GPR89B: variants seen among roughly 807,000 people sequenced by gnomAD.
The protein encoded by GPR89B is golgi pH regulator B, also known as G protein-coupled receptor 89B.
Under a neutral mutation model 52.4 loss-of-function variants are expected in GPR89B, and 25 were observed. The observed-to-expected ratio is 0.48, with a 90% CI of 0.35 to 0.67. GPR89B has a LOEUF of 0.67. Ranked by LOEUF, GPR89B falls within the 30% of genes least tolerant of loss-of-function variation. The pLI, the probability that GPR89B is intolerant of heterozygous loss-of-function variation, is 0.01. For missense variants in GPR89B, 146 were observed against 450.2 expected (o/e 0.32, Z 6.11); for synonymous variants, 52 against 151.2 (o/e 0.34, Z 4.81).
chr1:147,928,530 C>T lies in GPR89B; in HGVS notation c.-7C>T, dbSNP rs782622975. On this transcript the variant is annotated 5_prime_UTR_variant, in exon 1 of 14. Coordinates refer to ENST00000314163, the MANE Select transcript of GPR89B (RefSeq NM_016334.5). ...AGTGGAGGCAGGAGCCTTCCTTACA[C>T]TTCGCCATGAGTTTCCTGATCGACT... The T allele has an allele frequency of 1.2e-6, 2 of 1,613,926 alleles. No homozygotes were observed. The highest frequency in any genetic ancestry group is 4.5e-5 in the East Asian group (2 of 44,864).
intron 7 of GPR89B, among the ~76,000 whole-genome samples, chr1:147,959,125 G>A (rs1239239744): frequency 6.6e-6 from 1 of 152,136 alleles, no homozygotes; most frequent in Non-Finnish European, 1.5e-5. Flanking sequence ...ATAGTGAGAT[G>A]ACATACAAGA....
the GPR89B span, among the ~76,000 whole-genome samples, chr1:148,004,312 G>T: frequency 6.6e-6 from 1 of 151,050 alleles, no homozygotes; most frequent in Admixed American, 6.6e-5. Context: ...GCCCGCCACC[G>T]CACCTGGCTA....
In GPR89B at chr1:147,931,063, C is replaced by T. The variant is rs74123778; in HGVS notation, c.42+2485C>T. On this transcript the variant is annotated intron_variant, in intron 1 of 13. Coordinates refer to ENST00000314163, the MANE Select transcript of GPR89B (RefSeq NM_016334.5). ...TTGTTTTGTAATTACTTGTTTATCT[C>T]CTCCATAGATTATAAACTCCTTGAG... 3.5e-3 allele frequency among the ~76,000 whole-genome samples: 535 copies of T among 151,914 alleles called. 3 individuals are homozygous for T. Among genetic ancestry groups the T allele is most frequent in the African/African-American group, 0.012 (503 of 41,332 alleles).
intron 10 of GPR89B, among the ~76,000 whole-genome samples, chr1:147,971,077 TAATG>T (rs1284877315): frequency 6.6e-6 from 1 of 151,540 alleles, no homozygotes; most frequent in Non-Finnish European, 1.5e-5. Flanking sequence ...CAGTGGGAGA[TAATG>T]AATGAAGATA....
chr1:147,935,041 A>C (rs1314196750), intron 1 of GPR89B, among the ~76,000 whole-genome samples: 20 of 151,974 alleles, frequency 1.3e-4, no homozygotes, highest in Admixed American at 2.0e-4. Context: ...TCTAATGTCA[A>C]AAAATATTTA....
Position 147,968,394 on chromosome 1 carries a change from G to A in GPR89B, c.728-481G>A, listed in dbSNP as rs1310980278. On this transcript the variant is annotated intron_variant, in intron 8 of 13. Transcript: ENST00000314163. The stretch of plus-strand genomic sequence containing the variant: ...GCATAAGACAATCCCATGAAGATAA[G>A]ATATAAAAGAAGATAATGTTTGAAA... 6 of 453,698 alleles carry A rather than the reference G, an allele frequency of 1.3e-5. No individual in the cohort carries two copies. In the East Asian group the frequency reaches 4.2e-4, roughly 31 times the overall value. 28.1% of individuals were successfully genotyped at this position (453,698 alleles called of 1,614,324 possible).
At chr1:147,931,893 G>A (rs6664261) in intron 1 of GPR89B, among the ~76,000 whole-genome samples, 13,054 of 152,044 alleles carry the variant, frequency 0.086, 1,127 homozygotes, top group African/African-American at 0.22. Flanking sequence ...AGCTGCATCT[G>A]TGTTGCTGCA....
rs1196935183 is a variant in GPR89B at position 147,971,464 on chromosome 1, C to CTTTTTTTTTT, written c.909+1521_909+1530dup. On this transcript the variant is annotated intron_variant, in intron 10 of 13. Transcript: ENST00000314163. ...TCACACCCGGCCTAGGGAAGCATGT[C>CTTTTTTTTTT]TTTTTTTTTTTTTTTTTTTTTTTTT... Among the ~76,000 whole-genome samples the CTTTTTTTTTT allele has an allele frequency of 1.7e-4, 12 of 70,240 alleles. 1 individual carries two copies. Among genetic ancestry groups the CTTTTTTTTTT allele is most frequent in the African/African-American group, 4.3e-4 (7 of 16,130 alleles). The allele number at this position is 70,240 out of a possible 152,430, so 46.1% of individuals were successfully genotyped here.
chr1:147,984,900 G>A (rs2149091833), intron 10 of GPR89B, among the ~76,000 whole-genome samples: 1 of 152,062 alleles, frequency 6.6e-6, no homozygotes, highest in East Asian at 1.9e-4. Flanking sequence ...TTATTGACTT[G>A]TTTTCTGTCC....
chr1:148,001,995 C>A, the GPR89B span, among the ~76,000 whole-genome samples: 1 of 150,516 alleles, frequency 6.6e-6, no homozygotes, highest in Non-Finnish European at 1.5e-5. Flanking sequence ...TATATACATG[C>A]CTCCAGGTGC....
chr1:147,949,963 C>T (rs1309366376), intron 5 of GPR89B, among the ~76,000 whole-genome samples: 6 of 135,730 alleles, frequency 4.4e-5, no homozygotes, highest in Admixed American at 7.2e-5. Flanking sequence ...TGCGGCTGGC[C>T]GGGTGTGGGG....
At chr1:147,930,770 C>G (rs1653520986) in intron 1 of GPR89B, among the ~76,000 whole-genome samples, 1 of 152,158 alleles carries the variant, frequency 6.6e-6, no homozygotes, top group African/African-American at 2.4e-5. Flanking sequence ...TGATGGGACC[C>G]TGGCTCTTCT....
the GPR89B span, among the ~76,000 whole-genome samples, chr1:148,017,668 G>A: frequency 1.5e-4 from 23 of 150,518 alleles, no homozygotes; most frequent in African/African-American, 4.9e-4. Flanking sequence ...AACCTGGGAA[G>A]TGGAGCTGGC....
intron 1 of GPR89B, among the ~76,000 whole-genome samples, chr1:147,935,777 C>T (rs1558032291): frequency 1.3e-5 from 2 of 152,030 alleles, no homozygotes; most frequent in Admixed American, 6.6e-5. Context: ...CTCTGTTGCC[C>T]AGGCTGGAGC....
chr1:147,947,705 T>A (rs1655099762), intron 5 of GPR89B, among the ~76,000 whole-genome samples: 1 of 152,112 alleles, frequency 6.6e-6, no homozygotes, highest in Non-Finnish European at 1.5e-5. Flanking sequence ...GAGGGGGAAT[T>A]TTTTCAGTTT....
chr1:147,978,168 G>T (rs1657976921), intron 10 of GPR89B, among the ~76,000 whole-genome samples: 1 of 151,646 alleles, frequency 6.6e-6, no homozygotes, highest in Non-Finnish European at 1.5e-5. Context: ...CTTTGGATGG[G>T]GTTTTTGTGG....
chr1:147,949,197 TCCTTTCCCCG>T (rs1655288199), intron 5 of GPR89B, among the ~76,000 whole-genome samples: 1 of 152,092 alleles, frequency 6.6e-6, no homozygotes, highest in Non-Finnish European at 1.5e-5. Flanking sequence ...GATTTCTCAA[TCCTTTCCCCG>T]CCTTTCCCCC....
In GPR89B at chr1:147,966,300, C is replaced by G. The variant is rs1216877987; in HGVS notation, c.618-254C>G. 1.3e-5 allele frequency among the ~76,000 whole-genome samples: 2 copies of G among 151,438 alleles called. 1 individual carries two copies. Among genetic ancestry groups the G allele is most frequent in the African/African-American group, 4.9e-5 (2 of 40,832 alleles). On this transcript the variant is annotated intron_variant, in intron 7 of 13. Transcript: ENST00000314163. Reference sequence around the variant, plus strand: ...GAGGAGATGAAAACTCTAAGACCTCCCAGCTTCCAAATAGCAGAGCCAGTC... The same window carrying G: ...GAGGAGATGAAAACTCTAAGACCTCGCAGCTTCCAAATAGCAGAGCCAGTC...
intron 12 of GPR89B, among the ~76,000 whole-genome samples, chr1:147,990,086 T>A (rs1294097461): frequency 2.6e-5 from 4 of 152,236 alleles, no homozygotes; most frequent in Non-Finnish European, 5.9e-5. Flanking sequence ...ACCAACAGTG[T>A]AAAAGTGTTG....
Sources: gnomAD v4.1 joint callset for allele counts (sites outside exome capture counted in the v4.1 genomes callset) on GRCh38, gnomAD v4.1.1 for gene constraint, MANE v1.5 for transcripts, NCBI Gene and HGNC (gene_info 2026-07-23, HGNC 2026-07-21) for gene names.